EFL1: variants seen among roughly 807,000 people sequenced by gnomAD.
EFL1 encodes elongation factor-like GTPase 1.
In EFL1, 76 loss-of-function variants were observed where a neutral mutation model predicts 126.7. The observed-to-expected ratio is 0.60, with a 90% CI of 0.50 to 0.73. The LOEUF is 0.73. Among genes scored for constraint, EFL1 ranks in the 30% least tolerant of loss-of-function variants. EFL1 has a pLI of 0.00. For missense variants in EFL1, 1,128 were observed against 1,343.2 expected, an observed-to-expected ratio of 0.84 and a Z score of 2.50; for synonymous variants, 410 against 448.4, an observed-to-expected ratio of 0.91 and a Z score of 1.08.
At chr15:82,194,488 A>T (rs1430479336) in intron 15 of EFL1, among the ~76,000 whole-genome samples, 1 of 152,236 alleles carries the variant, frequency 6.6e-6, no homozygotes, top group Non-Finnish European at 1.5e-5. Context: ...ATAGAAATAA[A>T]ATAGGATATA....
At chr15:82,240,068 GC>G (rs1285856605) in intron 6 of EFL1, among the ~76,000 whole-genome samples, 1 of 152,120 alleles carries the variant, frequency 6.6e-6, no homozygotes, top group Non-Finnish European at 1.5e-5. Context: ...TGAAATATTT[GC>G]TGAATAAATA....
At chr15:82,233,126 C>A (rs1230140744) in intron 7 of EFL1, among the ~76,000 whole-genome samples, 1 of 152,128 alleles carries the variant, frequency 6.6e-6, no homozygotes, top group Non-Finnish European at 1.5e-5. Flanking sequence ...ATTAAATATT[C>A]ACACATGTGT....
Position 82,230,979 on chromosome 15 carries a change from A to G in EFL1, c.732-8T>C. On this transcript the variant is annotated splice_polypyrimidine_tract_variant and splice_region_variant and intron_variant, in intron 7 of 19. Coordinates refer to ENST00000268206, the MANE Select transcript of EFL1 (RefSeq NM_024580.6). ...CTGGCGAAGTGCTCAATTCTGAAAG[A>G]AGACCAAATGTTCATGTTATTAATA... 2.5e-6 allele frequency: 4 copies of G among 1,609,600 alleles called. No homozygotes were observed. The highest frequency in any genetic ancestry group is 3.4e-6 in the Non-Finnish European group (4 of 1,178,452).
At chr15:82,179,103 C>T (rs936835982) in intron 15 of EFL1, among the ~76,000 whole-genome samples, 1 of 152,136 alleles carries the variant, frequency 6.6e-6, no homozygotes, top group African/African-American at 2.4e-5. Flanking sequence ...ATGATCGTGC[C>T]ACCGCAATCT....
intron 4 of EFL1, among the ~76,000 whole-genome samples, chr15:82,249,481 A>G (rs1475983206): frequency 6.6e-6 from 1 of 152,104 alleles, no homozygotes; most frequent in African/African-American, 2.4e-5. Context: ...TACAGTAGAA[A>G]CGACTGCAGT....
At chr15:82,158,002 G>A in intron 16 of EFL1, 142 bp from the exon 17 acceptor site, 1 of 992,694 alleles carries the variant, frequency 1.0e-6, no homozygotes, top group African/African-American at 1.6e-5. Flanking sequence ...ATAGTGTAGT[G>A]ATGTGAAGAA....
chr15:82,220,662 A>C (rs1407249301), intron 12 of EFL1, among the ~76,000 whole-genome samples: 2 of 152,142 alleles, frequency 1.3e-5, no homozygotes, highest in African/African-American at 4.8e-5. Flanking sequence ...CTGGCAATTC[A>C]TCAGGACTAG....
At chr15:82,132,558 G>C (rs899722192) in intron 19 of EFL1, among the ~76,000 whole-genome samples, 8 of 151,626 alleles carry the variant, frequency 5.3e-5, no homozygotes, top group Non-Finnish European at 1.0e-4. Flanking sequence ...GGGGCACAGA[G>C]GCATTATCAG....
intron 10 of EFL1, 58 bp downstream of exon 10, chr15:82,228,133 T>C (rs2074783177): frequency 6.7e-7 from 1 of 1,490,146 alleles, no homozygotes; most frequent in Admixed American, 2.3e-5. Context: ...CCATAACGCA[T>C]TGTTTTTTCT....
intron 15 of EFL1, among the ~76,000 whole-genome samples, chr15:82,209,320 C>CACAG (rs1555429300): frequency 1.5e-5 from 1 of 66,832 alleles, no homozygotes; most frequent in Non-Finnish European, 3.4e-5. Flanking sequence ...GACACAGACA[C>CACAG]ACACACACAC....
chr15:82,203,130 G>GA (rs1299995353), intron 15 of EFL1, among the ~76,000 whole-genome samples: 3 of 151,796 alleles, frequency 2.0e-5, no homozygotes, highest in African/African-American at 7.3e-5. Flanking sequence ...ACTTTTTGAA[G>GA]AAAAAACTCG....
chr15:82,252,922 C>T, intron 3 of EFL1, 147 bp from the exon 4 acceptor site: 3 of 631,062 alleles, frequency 4.8e-6, no homozygotes, highest in South Asian at 4.8e-5. Flanking sequence ...TGCTATGTTG[C>T]CCACACTAGT....
In EFL1 at chr15:82,227,589, A is replaced by T; in HGVS notation, c.1070-17T>A. ...ACACCATAGCTGAAGTCTATTGTTA[A>T]GGACTGAAAACCTTGAGCCAGTGCC... On this transcript the variant is annotated splice_polypyrimidine_tract_variant and intron_variant, in intron 10 of 19. Transcript: ENST00000268206. The T allele has an allele frequency of 2.5e-6, 4 of 1,614,062 alleles. No individual in the cohort carries two copies. The highest frequency in any genetic ancestry group is 3.4e-6 in the Non-Finnish European group (4 of 1,179,920).
chr15:82,262,696 G>C lies in EFL1; in HGVS notation c.-102C>G. 1.6e-6 allele frequency: 1 copy of C among 627,012 alleles called. No individual in the cohort carries two copies. The highest frequency in any genetic ancestry group is 2.7e-6 in the Non-Finnish European group (1 of 376,912). The allele number at this position is 627,012 out of a possible 1,614,324, so 38.8% of individuals were successfully genotyped here. ...GCTTCCGAAAGTCCGAGAGCTCTGC[G>C]GGTCCGACACGCCCGCGCGCCAGGG... On this transcript the variant is annotated 5_prime_UTR_variant, in exon 1 of 20. Transcript: ENST00000268206.
intron 4 of EFL1, among the ~76,000 whole-genome samples, chr15:82,245,621 G>GTGGTTGACTCTGATAGTATGTGTCAAAAC (rs2074965157): frequency 6.6e-6 from 1 of 152,004 alleles, no homozygotes; most frequent in Non-Finnish European, 1.5e-5. Context: ...GAGGTGAAGG[G>GTGGTTGACTCTGATAGTATGTGTCAAAAC]TGGTTGACTC....
chr15:82,208,948 T>C (rs1419368280), intron 15 of EFL1, among the ~76,000 whole-genome samples: 1 of 151,918 alleles, frequency 6.6e-6, no homozygotes, highest in African/African-American at 2.4e-5. Context: ...CATATTCTTA[T>C]AAGCAATATG....
At chr15:82,189,006 C>T (rs1312473950) in intron 15 of EFL1, among the ~76,000 whole-genome samples, 1 of 150,428 alleles carries the variant, frequency 6.6e-6, no homozygotes, top group Non-Finnish European at 1.5e-5. Flanking sequence ...CTGAGAAATG[C>T]AACCTTAAGC....
intron 6 of EFL1, 37 bp downstream of exon 6, chr15:82,240,381 C>T (rs778997800): frequency 1.4e-5 from 21 of 1,539,504 alleles, no homozygotes; most frequent in African/African-American, 1.2e-4. Context: ...AACTCTTCTT[C>T]GTGGCTAAAT....
intron 12 of EFL1, 37 bp downstream of exon 12, chr15:82,225,128 T>C (rs2141308573): frequency 6.6e-7 from 1 of 1,519,696 alleles, no homozygotes; most frequent in Non-Finnish European, 9.0e-7. Context: ...ACATACACCA[T>C]ATTCCTAGCC....
Sources: allele counts gnomAD v4.1 joint callset (sites outside exome capture counted in the v4.1 genomes callset), GRCh38; gene constraint gnomAD v4.1.1; transcripts MANE v1.5; gene names NCBI Gene and HGNC (gene_info 2026-07-23, HGNC 2026-07-21).